The following ALOX12B variants were observed in gnomAD, a reference collection of about 807,000 sequenced individuals.
ALOX12B encodes the protein arachidonate 12-lipoxygenase, 12R-type.
Under a neutral mutation model 78.9 loss-of-function variants are expected in ALOX12B, and 47 were observed. That is an observed-to-expected ratio of 0.60 (90% CI 0.47 to 0.76). The LOEUF (loss-of-function observed/expected upper bound fraction) is 0.76. Among genes scored for constraint, ALOX12B ranks in the 30% least tolerant of loss-of-function variants. The pLI is 0.00. For synonymous variants in ALOX12B, 370 were observed against 374.5 expected (o/e 0.99, Z 0.14); for missense variants, 805 against 922.6 (o/e 0.87, Z 1.65).
At position 8,073,253 on chromosome 17, in the gene ALOX12B, C is replaced by G. The variant is rs1977018125; in HGVS notation, c.1821G>C (p.Lys607Asn). Reference protein sequence around the residue: ...ASMRNPPIQTKGLTTLETFMD... With the variant: ...ASMRNPPIQTNGLTTLETFMD... ...TGAAGGTCTCCAGAGTGGTCAGCCCCTTAGTCTGAATCGGTGGATTCCGCA... is the reference window on the plus strand; with the variant it reads ...TGAAGGTCTCCAGAGTGGTCAGCCCGTTAGTCTGAATCGGTGGATTCCGCA... The change falls in exon 14 of 15, where the codon AAG becomes AAC. Residue 607 changes from lysine to asparagine, a missense_variant. Coordinates refer to ENST00000647874, the MANE Select transcript of ALOX12B (RefSeq NM_001139.3). 3 of 1,614,208 alleles carry G rather than the reference C, an allele frequency of 1.9e-6. No homozygotes were observed. Among genetic ancestry groups the G allele is most frequent in the Non-Finnish European group, 2.5e-6 (3 of 1,180,040 alleles).
rs1977178611 is a variant in ALOX12B at position 8,080,103 on chromosome 17, C to G, written c.754+132G>C. On this transcript the variant is annotated intron_variant, in intron 6 of 14. Coordinates refer to ENST00000647874, the MANE Select transcript of ALOX12B (RefSeq NM_001139.3). The surrounding 1 kb of genome is among the most constrained non-coding windows in gnomAD (Gnocchi z 4.8). ...CGGAGGAGCCCGGTGCGACATTTTC[C>G]AAGAAGCCGCCAGAGGGCGCGCGCG... 2 of 1,480,468 alleles carry G rather than the reference C, an allele frequency of 1.4e-6. No individual in the cohort carries two copies. The highest frequency in any genetic ancestry group is 1.9e-6 in the Non-Finnish European group (2 of 1,062,604). The allele number at this position is 1,480,468 out of a possible 1,614,324, so 91.7% of individuals were successfully genotyped here.
In ALOX12B at chr17:8,087,671, G is replaced by C. The variant is rs941353109; in HGVS notation, c.-229C>G. 17 of 646,630 alleles carry C rather than the reference G, an allele frequency of 2.6e-5. No homozygotes were observed. The highest frequency in any genetic ancestry group is 7.3e-5 in the African/African-American group (4 of 55,154). 40.1% of individuals were successfully genotyped at this position (646,630 alleles called of 1,614,324 possible). On this transcript the variant is annotated 5_prime_UTR_variant, in exon 1 of 15. Transcript: ENST00000647874. Reference sequence around the variant, plus strand: ...TGGGTGCCGGGCAGGCCCAGGCGGAGCCCAGCTGGTGGTGAGTGAGCAGGT... The same window carrying C: ...TGGGTGCCGGGCAGGCCCAGGCGGACCCCAGCTGGTGGTGAGTGAGCAGGT...
intron 12 of ALOX12B, among the ~76,000 whole-genome samples, chr17:8,074,195 C>T (rs900202826): frequency 2.6e-5 from 4 of 152,142 alleles, no homozygotes; most frequent in Admixed American, 2.6e-4. Context: ...AGATGGATTT[C>T]TCAGTCCCAC....
intron 2 of ALOX12B, 80 bp downstream of exon 2, chr17:8,085,936 G>A: frequency 2.6e-6 from 4 of 1,542,420 alleles, no homozygotes; most frequent in Non-Finnish European, 3.6e-6. Context: ...CTTGATGGGA[G>A]CCTGGGTGCC....
In ALOX12B at chr17:8,080,513, C is replaced by A; in HGVS notation, c.650+145G>T. The A allele has an allele frequency of 7.0e-7, 1 of 1,437,406 alleles. No homozygotes were observed. The highest frequency in any genetic ancestry group is 1.4e-5 in the African/African-American group (1 of 70,836). The allele number at this position is 1,437,406 out of a possible 1,614,324, so 89.0% of individuals were successfully genotyped here. ...CATCTCTAGGTCTCTGGGATCATGTCTCAGGTTTTCTGGGTCTGCGTTTCA... is the reference window on the plus strand; with the variant it reads ...CATCTCTAGGTCTCTGGGATCATGTATCAGGTTTTCTGGGTCTGCGTTTCA... On this transcript the variant is annotated intron_variant, in intron 5 of 14. Transcript: ENST00000647874. The surrounding 1 kb of genome is among the most constrained non-coding windows in gnomAD (Gnocchi z 4.8).
rs568718850 is a variant in ALOX12B, at chr17:8,078,653, C to A, written c.1071+743G>T. The stretch of plus-strand genomic sequence containing the variant: ...CCGCTGAGCAGCGCACTTTGTACTT[C>A]TGTACCTCAGGGGACCAAGACAGCA... On this transcript the variant is annotated intron_variant, in intron 8 of 14. Transcript: ENST00000647874. 3.3e-5 allele frequency among the ~76,000 whole-genome samples: 5 copies of A among 152,262 alleles called. No individual in the cohort carries two copies. In the South Asian group the frequency reaches 1.0e-3, roughly 32 times the overall value.
intron 13 of ALOX12B, 147 bp downstream of exon 13, chr17:8,073,510 G>A: frequency 9.6e-7 from 1 of 1,041,650 alleles, no homozygotes; most frequent in Non-Finnish European, 1.5e-6. Context: ...GCTGAGGCTC[G>A]GTTTCCGTTG....
chr17:8,078,345 C>T (rs542253520), intron 8 of ALOX12B, among the ~76,000 whole-genome samples: 1 of 151,668 alleles, frequency 6.6e-6, no homozygotes, highest in African/African-American at 2.4e-5. Context: ...GATGGGGTTT[C>T]CCCATGTTGG....
intron 2 of ALOX12B, among the ~76,000 whole-genome samples, chr17:8,085,391 G>T (rs1978293790): frequency 6.6e-6 from 1 of 152,168 alleles, no homozygotes; most frequent in Non-Finnish European, 1.5e-5. Context: ...AGGTTGCAGT[G>T]AGCCGAGATC....
rs751631350 is a variant in ALOX12B at position 8,087,255 on chromosome 17, CACAG to C, written c.147+37_147+40del. Reference sequence around the variant, plus strand: ...ACACACAGACACACACACACACACACACAGACACACACACACACACACACACACA... The same window carrying C: ...ACACACAGACACACACACACACACACACACACACACACACACACACACACA... On this transcript the variant is annotated intron_variant, in intron 1 of 14. Coordinates refer to ENST00000647874, the MANE Select transcript of ALOX12B (RefSeq NM_001139.3). The C allele has an allele frequency of 4.1e-3, 4,159 of 1,018,032 alleles. 11 individuals are homozygous for C. The highest frequency in any genetic ancestry group is 0.012 in the African/African-American group (536 of 43,266). The allele number at this position is 1,018,032 out of a possible 1,614,324, so 63.1% of individuals were successfully genotyped here.
At position 8,072,730 on chromosome 17, in the gene ALOX12B, T is replaced by G. The variant is rs1977006505; in HGVS notation, c.*41A>C. The G allele has an allele frequency of 1.9e-6, 3 of 1,611,512 alleles. No homozygotes were observed. Among genetic ancestry groups the G allele is most frequent in the African/African-American group, 1.3e-5 (1 of 74,864 alleles). The stretch of plus-strand genomic sequence containing the variant: ...GTTTGTTTTGTTTTGTTGAAAATAG[T>G]AGGGCACAGAATGGGGAGAGGAGAG... On this transcript the variant is annotated 3_prime_UTR_variant, in exon 15 of 15. Coordinates refer to ENST00000647874, the MANE Select transcript of ALOX12B (RefSeq NM_001139.3).
chr17:8,085,730 G>A (rs1353824479), intron 2 of ALOX12B, among the ~76,000 whole-genome samples: 1 of 152,194 alleles, frequency 6.6e-6, no homozygotes, highest in Admixed American at 6.5e-5. Flanking sequence ...GACTGGAGAG[G>A]TAGCGGGGAG....
intron 12 of ALOX12B, 76 bp downstream of exon 12, chr17:8,075,519 G>A (rs1295813125): frequency 2.7e-5 from 44 of 1,606,042 alleles, no homozygotes; most frequent in Non-Finnish European, 3.3e-5. Context: ...CAGCCCAGGA[G>A]GGCCCTAGCA....
Position 8,080,449 on chromosome 17 carries a change from C to T in ALOX12B, c.651-111G>A. 7.1e-7 allele frequency: 1 copy of T among 1,408,670 alleles called. No individual in the cohort carries two copies. The highest frequency in any genetic ancestry group is 1.0e-6 in the Non-Finnish European group (1 of 996,804). 87.3% of individuals were successfully genotyped at this position (1,408,670 alleles called of 1,614,324 possible). A position where few individuals can be genotyped will look rare whatever the true frequency, so the allele number is the denominator to read the frequency against. ...AGGTCTCTGGGTCTCAGGGTCTGTG[C>T]GTCGCAAAGTCTCTGGGTCCCATGT... On this transcript the variant is annotated intron_variant, in intron 5 of 14. Transcript: ENST00000647874. The surrounding 1 kb of genome is among the most constrained non-coding windows in gnomAD (Gnocchi z 4.8).
Position 8,073,729 on chromosome 17 carries a change from A to G in ALOX12B, c.1683T>C (p.Pro561=). 1 of 1,613,336 alleles carries G rather than the reference A, an allele frequency of 6.2e-7. No individual in the cohort carries two copies. The highest frequency in any genetic ancestry group is 8.5e-7 in the Non-Finnish European group (1 of 1,179,262). The change falls in exon 13 of 15, where the codon CCT becomes CCC. Residue 561 remains proline (P), a synonymous_variant. Coordinates refer to ENST00000647874, the MANE Select transcript of ALOX12B (RefSeq NM_001139.3). ...CTATAGTGACATATCGGATCAGCTC[A>G]GGCACGGTTCGCAAGCACCTAGGGA... The part of the protein sequence containing the change: ...SGFPRCLRTV[P]ELIRYVTIVI...
In ALOX12B at chr17:8,073,326, T is replaced by C; in HGVS notation, c.1756-8A>G. 6.2e-7 allele frequency: 1 copy of C among 1,613,562 alleles called. No homozygotes were observed. The highest frequency in any genetic ancestry group is 1.1e-5 in the South Asian group (1 of 91,042). ...CCAGGCGGTGAACTCCATCTGGAGGTGGGATAGAGGCGCGGGTCTGGGTGG... is the reference window on the plus strand; with the variant it reads ...CCAGGCGGTGAACTCCATCTGGAGGCGGGATAGAGGCGCGGGTCTGGGTGG... On this transcript the variant is annotated splice_region_variant and splice_polypyrimidine_tract_variant and intron_variant, in intron 13 of 14. Coordinates refer to ENST00000647874, the MANE Select transcript of ALOX12B (RefSeq NM_001139.3).
chr17:8,080,864 G>C lies in ALOX12B; in HGVS notation c.527+20C>G, dbSNP rs1051195702. On this transcript the variant is annotated intron_variant, in intron 4 of 14. Coordinates refer to ENST00000647874, the MANE Select transcript of ALOX12B (RefSeq NM_001139.3). This position sits in a 1 kb window ranked among gnomAD's most constrained non-coding sequence, Gnocchi z 4.8. ...AGGGGAAAACCATGGGCGGGGCCCA[G>C]CACAGCTTCGGGTCCTTACTCAGGC... 1 of 1,613,986 alleles carries C rather than the reference G, an allele frequency of 6.2e-7. No homozygotes were observed. Among genetic ancestry groups the C allele is most frequent in the South Asian group, 1.1e-5 (1 of 91,080 alleles).
At position 8,076,308 on chromosome 17, in the gene ALOX12B, T is replaced by A. The variant is rs1977080099; in HGVS notation, c.1399A>T (p.Met467Leu). Residue 467 changes from methionine (M) to leucine (L), a missense_variant, in exon 11 of 15, where the codon ATG (methionine) becomes TTG (leucine). Met to Leu is a conservative substitution (Grantham distance 15, BLOSUM62 2). Coordinates refer to ENST00000647874, the MANE Select transcript of ALOX12B (RefSeq NM_001139.3). ...GTGAGCTCCGACAGAGCCCGTACCA[T>A]CACCCCAGCAAAGCCTTCCACGCCC... ...SLGVEGFAGV[M>L]VRALSELTYD... is the part of the protein sequence containing the mutation. 9 of 1,611,992 alleles carry A rather than the reference T, an allele frequency of 5.6e-6. No homozygotes were observed. Among genetic ancestry groups the A allele is most frequent in the Admixed American group, 3.4e-5 (2 of 59,618 alleles).
rs1243751258 is a variant in ALOX12B at position 8,079,291 on chromosome 17, G to C, written c.1071+105C>G. ...CAATCTCTCAAGGATAACGAGAGAC[G>C]GCTGAATACATGCAGGTCCACACGC... On this transcript the variant is annotated intron_variant, in intron 8 of 14. Transcript: ENST00000647874. The surrounding 1 kb of genome is among the most constrained non-coding windows in gnomAD (Gnocchi z 6.4). 2.0e-6 allele frequency: 3 copies of C among 1,474,402 alleles called. No individual in the cohort carries two copies. Among genetic ancestry groups the C allele is most frequent in the Non-Finnish European group, 2.7e-6 (3 of 1,095,456 alleles). 91.3% of individuals were successfully genotyped at this position (1,474,402 alleles called of 1,614,324 possible).
Sources: gnomAD v4.1 joint callset for allele counts (sites outside exome capture counted in the v4.1 genomes callset) on GRCh38, gnomAD v4.1.1 for gene constraint, Gnocchi (gnomAD v3.1) non-coding constraint, MANE v1.5 for transcripts, NCBI Gene and HGNC (gene_info 2026-07-23, HGNC 2026-07-21) for gene names.